Variants in AHI1 observed in about 807,000 individuals in gnomAD.
The protein encoded by AHI1 is Abelson helper integration site 1.
In AHI1, 123 loss-of-function variants were observed where a neutral mutation model predicts 149.3. The ratio of observed to expected loss-of-function variants is 0.82; its 90% CI spans 0.71 to 0.96. The LOEUF (loss-of-function observed/expected upper bound fraction) is 0.96, where lower values mean the gene tolerates loss of function less well. Among genes scored for constraint, AHI1 ranks in the 40% least tolerant of loss-of-function variants. The pLI, the probability that AHI1 is intolerant of heterozygous loss-of-function variation, is 0.00. For synonymous variants in AHI1, 475 were observed against 459.8 expected (o/e 1.03, Z -0.42); for missense variants, 1,439 against 1,422.7 (o/e 1.01, Z -0.18).
At chr6:135,381,720 G>A (rs1776790856) in intron 23 of AHI1, among the ~76,000 whole-genome samples, 1 of 152,168 alleles carries the variant, frequency 6.6e-6, no homozygotes, top group Admixed American at 6.5e-5. Flanking sequence ...TCTCCCCTCT[G>A]TGCTGCCACA....
chr6:135,494,882 G>A (rs1038680077), intron 3 of AHI1, among the ~76,000 whole-genome samples: 1 of 152,188 alleles, frequency 6.6e-6, no homozygotes, highest in East Asian at 1.9e-4. Context: ...TATATACTGT[G>A]TGGCATCAAA....
At chr6:135,383,318 C>T (rs998220301) in intron 23 of AHI1, among the ~76,000 whole-genome samples, 47 of 144,552 alleles carry the variant, frequency 3.3e-4, no homozygotes, top group Non-Finnish European at 9.0e-5. Flanking sequence ...CAGCCTCAAC[C>T]TCCTGGGTTC....
intron 5 of AHI1, among the ~76,000 whole-genome samples, chr6:135,489,730 G>A (rs979562669): frequency 2.0e-5 from 3 of 152,020 alleles, no homozygotes; most frequent in African/African-American, 7.2e-5. Context: ...ATGTGCAGCT[G>A]GATTTTGGTC....
chr6:135,465,940 ATTT>A lies in AHI1; in HGVS notation c.620_622del (p.Lys207del), dbSNP rs1562239188. On this transcript the variant is annotated inframe_deletion, in exon 7 of 29. Transcript: ENST00000265602. ...CAACTGTTCTTTCAGTTTCTTTCTT[ATTT>A]TCCTCTTAATCTCCTTTGCCATTTC... 6.2e-7 allele frequency: 1 copy of A among 1,608,268 alleles called. No homozygotes were observed. Among genetic ancestry groups the A allele is most frequent in the Admixed American group, 1.7e-5 (1 of 59,366 alleles).
chr6:135,339,552 C>T (rs190986743), intron 24 of AHI1, among the ~76,000 whole-genome samples: 24 of 152,158 alleles, frequency 1.6e-4, no homozygotes, highest in African/African-American at 5.3e-4. Context: ...ACAATATTCA[C>T]TAGAGGGACT....
rs374901330 is a variant in AHI1, at chr6:135,368,635, A to G, written c.3110-10448T>C. Among the ~76,000 whole-genome samples, 3 of 152,120 alleles carry G rather than the reference A, an allele frequency of 2.0e-5. No homozygotes were observed. The East Asian group carries it at 5.8e-4, about 29-fold the overall frequency. ...ATGGAGTTACTTTCCCAGGAGGATT[A>G]TGGCTGCCACTGCTGTGTCATATAG... On this transcript the variant is annotated intron_variant, in intron 23 of 28. Coordinates refer to ENST00000265602, the MANE Select transcript of AHI1 (RefSeq NM_001134831.2).
At chr6:135,293,392 CAAAAAAAAAAAAAGAAAAA>C (rs1278470284) in intron 27 of AHI1, among the ~76,000 whole-genome samples, 360 of 20,158 alleles carry the variant, frequency 0.018, 3 homozygotes, top group East Asian at 0.071. Context: ...GTTAACAGGG[CAAAAAAAAAAAAAGAAAAA>C]AAAAAAAAAA....
At chr6:135,314,090 GGTTTGTGTTAT>G (rs1411568938) in intron 26 of AHI1, among the ~76,000 whole-genome samples, 31 of 152,184 alleles carry the variant, frequency 2.0e-4, no homozygotes, top group African/African-American at 6.8e-4. Flanking sequence ...TTAGACCTCA[GGTTTGTGTTAT>G]GTTTGTGTTA....
At chr6:135,399,869 G>A (rs1342620172) in intron 22 of AHI1, among the ~76,000 whole-genome samples, 1 of 151,442 alleles carries the variant, frequency 6.6e-6, no homozygotes, top group Non-Finnish European at 1.5e-5. Flanking sequence ...AGTTAAGCCA[G>A]TCTTCCAAAT....
chr6:135,331,663 C>T (rs1788616364), intron 24 of AHI1, among the ~76,000 whole-genome samples: 1 of 152,176 alleles, frequency 6.6e-6, no homozygotes, highest in East Asian at 1.9e-4. Context: ...ACAATGCAAT[C>T]CAATAATTGA....
intron 4 of AHI1, among the ~76,000 whole-genome samples, chr6:135,491,001 C>T (rs1282347495): frequency 6.6e-6 from 1 of 152,132 alleles, no homozygotes; most frequent in African/African-American, 2.4e-5. Flanking sequence ...CTTTTTATTT[C>T]TGATAAACAG....
At chr6:135,359,974 T>C (rs1250372434) in intron 23 of AHI1, among the ~76,000 whole-genome samples, 1 of 152,162 alleles carries the variant, frequency 6.6e-6, no homozygotes, top group Non-Finnish European at 1.5e-5. Flanking sequence ...TTTCAAAAAC[T>C]GGATTATCCA....
intron 7 of AHI1, 33 bp downstream of exon 7, chr6:135,465,781 G>A (rs1187733797): frequency 5.6e-6 from 8 of 1,418,858 alleles, no homozygotes; most frequent in Non-Finnish European, 7.4e-6. Flanking sequence ...GTTTTTCTAA[G>A]AGGATATTTT....
intron 25 of AHI1, among the ~76,000 whole-genome samples, chr6:135,319,816 G>GTGT (rs1786532258): frequency 6.6e-6 from 1 of 152,180 alleles, no homozygotes; most frequent in South Asian, 2.1e-4. Context: ...TATTTTGAGG[G>GTGT]TGTTAGATGT....
chr6:135,283,732 G>A lies in AHI1; in HGVS notation c.*1913C>T, dbSNP rs1204552147. ...ATAACCCTAGTCTTACTTTGTCAGC[G>A]AGACAAAGGGGAAAAGGACTGGGCT... On this transcript the variant is annotated 3_prime_UTR_variant, in exon 29 of 29. Transcript: ENST00000265602. 6 of 152,102 alleles carry A rather than the reference G, an allele frequency of 3.9e-5. No homozygotes were observed. Among genetic ancestry groups the A allele is most frequent in the African/African-American group, 1.2e-4 (5 of 41,404 alleles). 9.4% of individuals were successfully genotyped at this position (152,102 alleles called of 1,614,324 possible). A position where few individuals can be genotyped will look rare whatever the true frequency, so the allele number is the denominator to read the frequency against.
chr6:135,392,091 C>T (rs1778595482), intron 23 of AHI1, among the ~76,000 whole-genome samples: 1 of 152,152 alleles, frequency 6.6e-6, no homozygotes, highest in Admixed American at 6.5e-5. Flanking sequence ...TCTGGTGACA[C>T]TTTGTTTACA....
chr6:135,398,414 A>G (rs548388119), intron 22 of AHI1, among the ~76,000 whole-genome samples: 1 of 152,168 alleles, frequency 6.6e-6, no homozygotes, highest in East Asian at 1.9e-4. Context: ...TACCAGAAAA[A>G]TCTTACCCCC....
intron 27 of AHI1, chr6:135,297,508 G>A (rs1345835042): frequency 2.2e-6 from 1 of 455,976 alleles, no homozygotes; most frequent in African/African-American, 2.0e-5. Flanking sequence ...ATTACAATTT[G>A]CATCACATCA....
chr6:135,475,685 G>C (rs188656645), intron 5 of AHI1, among the ~76,000 whole-genome samples: 1 of 152,174 alleles, frequency 6.6e-6, no homozygotes, highest in East Asian at 1.9e-4. Context: ...CATGTTGTTG[G>C]AGGAATTAAG....
Sources: allele counts gnomAD v4.1 joint callset (sites outside exome capture counted in the v4.1 genomes callset), GRCh38; gene constraint gnomAD v4.1.1; transcripts MANE v1.5; gene names NCBI Gene and HGNC (gene_info 2026-07-23, HGNC 2026-07-21).